PCSK6: variants seen among roughly 807,000 people sequenced by gnomAD.
The protein encoded by PCSK6 is proprotein convertase subtilisin/kexin type 6.
In PCSK6, 85 loss-of-function variants were observed where a neutral mutation model predicts 123.3. The ratio of observed to expected loss-of-function variants is 0.69; its 90% confidence interval spans 0.58 to 0.83. The LOEUF (loss-of-function observed/expected upper bound fraction) is 0.83, where lower values mean the gene tolerates loss of function less well. PCSK6 is among the 40% of genes least tolerant of loss of function. The pLI, the probability that PCSK6 is intolerant of heterozygous loss-of-function variation, is 0.00. For synonymous variants in PCSK6, 508 were observed against 516.0 expected (o/e 0.98, Z 0.21); for missense variants, 1,191 against 1,282.3 (o/e 0.93, Z 1.09).
At chr15:101,339,059 G>C (rs1432012406) in intron 13 of PCSK6, among the ~76,000 whole-genome samples, 3 of 152,238 alleles carry the variant, frequency 2.0e-5, no homozygotes, top group Non-Finnish European at 4.4e-5. Context: ...CAACAGGAAA[G>C]TACCAGCAAT....
At chr15:101,313,704 A>C in intron 19 of PCSK6, 199 bp from the exon 20 acceptor site, 2 of 643,124 alleles carry the variant, frequency 3.1e-6, no homozygotes, top group South Asian at 2.1e-5. Flanking sequence ...TCACCATTTC[A>C]CAGACGGGGA....
intron 1 of PCSK6, among the ~76,000 whole-genome samples, chr15:101,471,344 C>CCACCTTGTCTCTACCAT (rs2057599508): frequency 6.6e-6 from 1 of 152,090 alleles, no homozygotes; most frequent in Non-Finnish European, 1.5e-5. Flanking sequence ...GTCTCTCCCA[C>CCACCTTGTCTCTACCAT]GTCCACAAAA....
At chr15:101,433,869 C>A (rs1039461127) in intron 2 of PCSK6, among the ~76,000 whole-genome samples, 3 of 152,200 alleles carry the variant, frequency 2.0e-5, no homozygotes, top group Non-Finnish European at 4.4e-5. Flanking sequence ...GTGTACAGGG[C>A]AAAATGCCGG....
intron 9 of PCSK6, among the ~76,000 whole-genome samples, chr15:101,385,877 A>G (rs1028245368): frequency 6.6e-6 from 1 of 152,226 alleles, no homozygotes; most frequent in African/African-American, 2.4e-5. Flanking sequence ...TTGACAGATA[A>G]ATATTTATAG....
chr15:101,351,875 C>T (rs1487094972), intron 13 of PCSK6, among the ~76,000 whole-genome samples: 1 of 152,092 alleles, frequency 6.6e-6, no homozygotes, highest in Non-Finnish European at 1.5e-5. Flanking sequence ...AGAGTGGGGA[C>T]AGCAAACTAA....
chr15:101,422,778 C>T (rs752001387), intron 6 of PCSK6, among the ~76,000 whole-genome samples: 23 of 152,252 alleles, frequency 1.5e-4, no homozygotes, highest in East Asian at 3.9e-4. Context: ...CCCGCCACCG[C>T]GCCCGGCTAA....
At chr15:101,441,903 T>C (rs2056764350) in intron 2 of PCSK6, among the ~76,000 whole-genome samples, 1 of 152,188 alleles carries the variant, frequency 6.6e-6, no homozygotes, top group African/African-American at 2.4e-5. Flanking sequence ...TCGACCTCTT[T>C]CCTAGCTTAG....
intron 1 of PCSK6, among the ~76,000 whole-genome samples, chr15:101,478,718 G>C (rs930881236): frequency 6.6e-6 from 1 of 152,198 alleles, no homozygotes; most frequent in Non-Finnish European, 1.5e-5. Flanking sequence ...CTTGAGAGCA[G>C]AGTCCCTGCA....
intron 6 of PCSK6, among the ~76,000 whole-genome samples, chr15:101,406,409 C>G (rs559444372): frequency 1.3e-5 from 2 of 152,196 alleles, no homozygotes; most frequent in African/African-American, 2.4e-5. Context: ...ATTAGACTGT[C>G]GCTTCCTGAG....
intron 2 of PCSK6, among the ~76,000 whole-genome samples, chr15:101,435,886 C>T (rs1326966350): frequency 6.6e-6 from 1 of 152,214 alleles, no homozygotes; most frequent in Non-Finnish European, 1.5e-5. Context: ...GCAGGCTGTC[C>T]ATGCCACCGA....
chr15:101,313,397 A>C lies in PCSK6; in HGVS notation c.2678T>G (p.Leu893Trp). Residue 893 changes from leucine (L) to tryptophan (W), a missense_variant, in exon 20 of 22, where the codon TTG (leucine) becomes TGG (tryptophan). Physicochemically the swap from Leu to Trp is moderately conservative, Grantham distance 61. This residue lies in a region of PCSK6 where 630 missense variants were observed against 631.4 expected (regional missense o/e 1.00). Transcript: ENST00000611716. ...EGFYPEEMPG[L>W]PHKVCRRCDE... ...GTACCTTCGACACACTTTGTGGGGC[A>C]AGCCCGGCATCTCTTCTGGGTAGAA... The C allele has an allele frequency of 6.2e-7, 1 of 1,612,770 alleles. No homozygotes were observed. Among genetic ancestry groups the C allele is most frequent in the Non-Finnish European group, 8.5e-7 (1 of 1,179,862 alleles).
intron 11 of PCSK6, among the ~76,000 whole-genome samples, chr15:101,379,567 A>G (rs187810405): frequency 1.3e-5 from 2 of 152,322 alleles, no homozygotes; most frequent in African/African-American, 4.8e-5. Context: ...GCTCTTCACC[A>G]TGGGAAGCAG....
At chr15:101,306,222 C>T (rs765446609) in intron 21 of PCSK6, among the ~76,000 whole-genome samples, 1 of 152,032 alleles carries the variant, frequency 6.6e-6, no homozygotes, top group East Asian at 1.9e-4. Context: ...ATGCATCATC[C>T]GTGGACCTGG....
chr15:101,477,961 C>A (rs890688671), intron 1 of PCSK6, among the ~76,000 whole-genome samples: 1 of 152,182 alleles, frequency 6.6e-6, no homozygotes, highest in Non-Finnish European at 1.5e-5. Context: ...GGGGAGGATC[C>A]CATAGTACAG....
chr15:101,455,213 T>C (rs2057148088), intron 1 of PCSK6, among the ~76,000 whole-genome samples: 1 of 152,196 alleles, frequency 6.6e-6, no homozygotes, highest in African/African-American at 2.4e-5. Context: ...CCCACCTCTC[T>C]TGTGTCACTC....
chr15:101,320,832 C>A (rs770456870), intron 18 of PCSK6, among the ~76,000 whole-genome samples: 1 of 152,190 alleles, frequency 6.6e-6, no homozygotes, highest in Non-Finnish European at 1.5e-5. Flanking sequence ...CTGTGGCTGA[C>A]GGCTGGCGAT....
At chr15:101,452,288 G>A (rs900969795) in intron 1 of PCSK6, among the ~76,000 whole-genome samples, 15 of 151,954 alleles carry the variant, frequency 9.9e-5, no homozygotes, top group Admixed American at 6.6e-4. Flanking sequence ...ATGTGGTCTC[G>A]GCCTATATTT....
chr15:101,418,079 T>C (rs1032913261), intron 6 of PCSK6, among the ~76,000 whole-genome samples: 15 of 152,146 alleles, frequency 9.9e-5, no homozygotes, highest in African/African-American at 2.7e-4. Context: ...TACGAGCATA[T>C]GATATTGAAT....
At chr15:101,434,828 C>T (rs2056550709) in intron 2 of PCSK6, among the ~76,000 whole-genome samples, 1 of 152,130 alleles carries the variant, frequency 6.6e-6, no homozygotes, top group African/African-American at 2.4e-5. Context: ...CTCTGGGTTC[C>T]AGTCACTCCC....
Sources: gnomAD v4.1 joint callset for allele counts (sites outside exome capture counted in the v4.1 genomes callset) on GRCh38, gnomAD v4.1.1 for gene constraint, gnomAD v4.1.1 regional missense constraint, MANE v1.5 for transcripts, NCBI Gene and HGNC (gene_info 2026-07-23, HGNC 2026-07-21) for gene names.